CACNA2D3: variants seen among roughly 807,000 people sequenced by gnomAD.
CACNA2D3 encodes the protein voltage-dependent calcium channel subunit alpha-2/delta-3.
Under a neutral mutation model 160.6 loss-of-function variants are expected in CACNA2D3, and 60 were observed. That is an observed-to-expected ratio of 0.37 (90% CI 0.30 to 0.46). CACNA2D3 has a LOEUF of 0.46. CACNA2D3 is among the 20% of genes least tolerant of loss of function. The pLI, the probability that CACNA2D3 is intolerant of heterozygous loss-of-function variation, is 1.00. For synonymous variants in CACNA2D3, 558 were observed against 492.9 expected (o/e 1.13, Z -1.75); for missense variants, 1,205 against 1,365.0 (o/e 0.88, Z 1.85).
intron 13 of CACNA2D3, among the ~76,000 whole-genome samples, chr3:54,783,540 AG>A (rs1702573877): frequency 6.6e-6 from 1 of 152,156 alleles, no homozygotes; most frequent in Admixed American, 6.5e-5. Flanking sequence ...CGGGAGGTGG[AG>A]GTTGCAGTGA....
chr3:54,683,120 A>G (rs886324369), intron 11 of CACNA2D3, among the ~76,000 whole-genome samples: 6 of 152,190 alleles, frequency 3.9e-5, no homozygotes, highest in Admixed American at 6.5e-5. Flanking sequence ...AATAAAAAGG[A>G]ATGAGATATA....
intron 35 of CACNA2D3, among the ~76,000 whole-genome samples, chr3:55,054,638 A>C (rs574349652): frequency 3.8e-4 from 58 of 151,212 alleles, no homozygotes; most frequent in African/African-American, 1.4e-3. Flanking sequence ...ATTATCTACT[A>C]ACTCTAATAC....
At chr3:54,835,338 A>G (rs1016577371) in intron 14 of CACNA2D3, among the ~76,000 whole-genome samples, 7 of 152,210 alleles carry the variant, frequency 4.6e-5, no homozygotes, top group Admixed American at 3.3e-4. Context: ...GCATTTTAAT[A>G]TACATACGAA....
chr3:55,018,349 C>T (rs1703373779), intron 35 of CACNA2D3, 32 bp downstream of exon 35: 2 of 1,328,576 alleles, frequency 1.5e-6, no homozygotes, highest in Non-Finnish European at 2.2e-6. Flanking sequence ...TAACCCCCTA[C>T]ACCTTTCTGC....
intron 2 of CACNA2D3, among the ~76,000 whole-genome samples, chr3:54,314,170 C>A (rs1316314963): frequency 6.6e-6 from 1 of 152,142 alleles, no homozygotes; most frequent in Non-Finnish European, 1.5e-5. Context: ...GTTTTCTATT[C>A]CTAAGTTACT....
chr3:54,592,756 A>C (rs1235210144), intron 9 of CACNA2D3, among the ~76,000 whole-genome samples: 1 of 152,208 alleles, frequency 6.6e-6, no homozygotes, highest in Non-Finnish European at 1.5e-5. Flanking sequence ...CCACCTTAGA[A>C]ACCCTTGTAA....
At position 54,321,922 on chromosome 3, in the gene CACNA2D3, C is replaced by CAAAAA. The variant is rs1214395409; in HGVS notation, c.321+1380_321+1384dup. On this transcript the variant is annotated intron_variant, in intron 3 of 37. Coordinates refer to ENST00000474759, the MANE Select transcript of CACNA2D3 (RefSeq NM_018398.3). ...AAGTGCTTATTTTCTGAAATCCTTG[C>CAAAAA]AAAAAAAAAAAAAAAAAAAACTAGT... Among the ~76,000 whole-genome samples, 391 of 100,656 alleles carry CAAAAA rather than the reference C, an allele frequency of 3.9e-3. 15 individuals carry two copies. In the East Asian group the frequency reaches 0.079, roughly 20 times the overall value. 66.0% of individuals were successfully genotyped at this position (100,656 alleles called of 152,430 possible).
At chr3:54,717,189 A>G (rs1272312905) in intron 11 of CACNA2D3, among the ~76,000 whole-genome samples, 1 of 151,846 alleles carries the variant, frequency 6.6e-6, no homozygotes, top group African/African-American at 2.4e-5. Context: ...GCTGTGTAGT[A>G]CTCTGGTATG....
At chr3:55,067,206 G>A (rs888255638) in intron 35 of CACNA2D3, among the ~76,000 whole-genome samples, 3 of 152,034 alleles carry the variant, frequency 2.0e-5, no homozygotes, top group African/African-American at 7.2e-5. Flanking sequence ...TGAAAACAAT[G>A]CTATCTTGCA....
intron 2 of CACNA2D3, among the ~76,000 whole-genome samples, chr3:54,260,169 C>G (rs2107438299): frequency 6.6e-6 from 1 of 151,538 alleles, no homozygotes; most frequent in Non-Finnish European, 1.5e-5. Context: ...AGATGTCACA[C>G]TTTGGAGCCT....
At chr3:54,581,604 C>G (rs1338552686) in intron 8 of CACNA2D3, among the ~76,000 whole-genome samples, 199 bp from the exon 9 acceptor site, 1 of 152,194 alleles carries the variant, frequency 6.6e-6, no homozygotes, top group African/African-American at 2.4e-5. Flanking sequence ...CTCCTTCAAA[C>G]AAGAAAAGAA....
intron 2 of CACNA2D3, among the ~76,000 whole-genome samples, chr3:54,161,437 G>A (rs1030401616): frequency 2.6e-5 from 4 of 152,226 alleles, no homozygotes; most frequent in African/African-American, 9.6e-5. Flanking sequence ...AGTTCCCCTT[G>A]GAGGGGCACC....
At chr3:54,735,008 G>A (rs988624532) in intron 11 of CACNA2D3, among the ~76,000 whole-genome samples, 1 of 152,250 alleles carries the variant, frequency 6.6e-6, no homozygotes, top group Non-Finnish European at 1.5e-5. Flanking sequence ...ACTACCTCCA[G>A]TCTTTCTCTG....
intron 3 of CACNA2D3, among the ~76,000 whole-genome samples, chr3:54,382,317 G>T (rs987540895): frequency 5.3e-5 from 8 of 152,254 alleles, no homozygotes; most frequent in Admixed American, 4.6e-4. Context: ...TTTCTTACCT[G>T]CAGATTTGTT....
intron 11 of CACNA2D3, among the ~76,000 whole-genome samples, chr3:54,722,543 G>A (rs1269981850): frequency 6.6e-6 from 1 of 152,160 alleles, no homozygotes; most frequent in Non-Finnish European, 1.5e-5. Flanking sequence ...CCATCTTTGT[G>A]GAGTTATCTA....
At chr3:54,879,522 C>A in intron 20 of CACNA2D3, 111 bp downstream of exon 20, 2 of 793,378 alleles carry the variant, frequency 2.5e-6, no homozygotes, top group East Asian at 2.7e-5. Flanking sequence ...AACACCCTGC[C>A]AAAAGGCTGG....
chr3:54,843,366 C>A (rs1328820534), intron 16 of CACNA2D3, among the ~76,000 whole-genome samples: 1 of 152,190 alleles, frequency 6.6e-6, no homozygotes, highest in African/African-American at 2.4e-5. Flanking sequence ...TGAGCTGAGG[C>A]TGAGCTTATA....
At chr3:54,462,642 A>T (rs761082063) in intron 4 of CACNA2D3, among the ~76,000 whole-genome samples, 1 of 151,954 alleles carries the variant, frequency 6.6e-6, no homozygotes, top group Non-Finnish European at 1.5e-5. Flanking sequence ...ATCTTCCTCC[A>T]TCCTTTTATT....
At chr3:54,667,645 T>C (rs1226702320) in intron 11 of CACNA2D3, among the ~76,000 whole-genome samples, 1 of 152,128 alleles carries the variant, frequency 6.6e-6, no homozygotes, top group Non-Finnish European at 1.5e-5. Flanking sequence ...GGACCAGATA[T>C]TAAAAGAGTC....
Sources: gnomAD v4.1 joint callset for allele counts (sites outside exome capture counted in the v4.1 genomes callset) on GRCh38, gnomAD v4.1.1 for gene constraint, MANE v1.5 for transcripts, NCBI Gene and HGNC (gene_info 2026-07-23, HGNC 2026-07-21) for gene names.